Variants in PCDHGA8 observed in about 807,000 individuals in gnomAD.
The protein encoded by PCDHGA8 is protocadherin gamma subfamily A, 8, also known as protocadherin gamma-A8.
In PCDHGA8, 45 loss-of-function variants were observed where a neutral mutation model predicts 59.2. The observed-to-expected ratio is 0.76, with a 90% CI of 0.60 to 0.98. PCDHGA8 has a LOEUF of 0.98. PCDHGA8 is among the 50% of genes least tolerant of loss of function. PCDHGA8 has a pLI of 0.00. For missense variants in PCDHGA8, 1,257 were observed against 1,196.2 expected, an observed-to-expected ratio of 1.05 and a Z score of -0.75; for synonymous variants, 531 against 519.0, an observed-to-expected ratio of 1.02 and a Z score of -0.32.
chr5:141,490,700 C>T lies in PCDHGA8; in HGVS notation c.2425-4107C>T. The T allele has an allele frequency of 6.2e-7, 1 of 1,614,152 alleles. No individual in the cohort carries two copies. Among genetic ancestry groups the T allele is most frequent in the Non-Finnish European group, 8.5e-7 (1 of 1,179,984 alleles). ...TCAGATCCAGACACTGGGGATAATG[C>T]CCGCCTCACCTACTCCATTGTAGGA... On this transcript the variant is annotated intron_variant, in intron 1 of 3. Transcript: ENST00000398604. This position sits in a 1 kb window ranked among gnomAD's most constrained non-coding sequence, Gnocchi z 5.4.
chr5:141,424,956 T>C (rs1435882776), intron 1 of PCDHGA8, among the ~76,000 whole-genome samples: 3 of 152,176 alleles, frequency 2.0e-5, no homozygotes, highest in African/African-American at 7.2e-5. Context: ...TTCTAGGTAT[T>C]TGCCCCAAAT....
At position 141,394,026 on chromosome 5, in the gene PCDHGA8, G is replaced by A. The variant is rs745343207; in HGVS notation, c.1213G>A (p.Val405Met). The A allele has an allele frequency of 6.2e-7, 1 of 1,613,494 alleles. No individual in the cohort carries two copies. The highest frequency in any genetic ancestry group is 1.7e-5 in the Admixed American group (1 of 59,958). ...GTCAATAGGTAATTATTATAGATTA[G>A]TGACAAGGAAATATTTGGACCGAGA... Reference protein sequence around the residue: ...EKSIGNYYRLVTRKYLDRENV... With the variant: ...EKSIGNYYRLMTRKYLDRENV... Residue 405 changes from valine (V) to methionine (M), a missense_variant, in exon 1 of 4, where the codon GTG becomes ATG. Physicochemically the swap from Val to Met is conservative, Grantham distance 21. Coordinates refer to ENST00000398604, the MANE Select transcript of PCDHGA8 (RefSeq NM_032088.2).
intron 1 of PCDHGA8, among the ~76,000 whole-genome samples, chr5:141,445,447 A>C (rs974383838): frequency 6.6e-6 from 1 of 152,222 alleles, no homozygotes; most frequent in Non-Finnish European, 1.5e-5. Flanking sequence ...TGGACTAAGG[A>C]TGCAGCAATG....
chr5:141,417,632 C>T (rs1395400349), intron 1 of PCDHGA8: 3 of 714,288 alleles, frequency 4.2e-6, no homozygotes, highest in Non-Finnish European at 6.5e-6. Context: ...GCGCTGACGC[C>T]GGGGATCCCT....
chr5:141,433,397 A>ATCTATCTATCTG (rs2097600396), intron 1 of PCDHGA8, among the ~76,000 whole-genome samples: 2 of 150,410 alleles, frequency 1.3e-5, no homozygotes, highest in African/African-American at 2.5e-5. Flanking sequence ...CTATCTATCT[A>ATCTATCTATCTG]TCTATCTATT....
chr5:141,419,354 C>G (rs1444462815), intron 1 of PCDHGA8: 1 of 1,613,828 alleles, frequency 6.2e-7, no homozygotes, highest in Admixed American at 1.7e-5. Flanking sequence ...CCTGGAGTCA[C>G]GAACGCTGTC....
Position 141,431,500 on chromosome 5 carries a change from C to T in PCDHGA8, c.2424+36263C>T, listed in dbSNP as rs903027252. On this transcript the variant is annotated intron_variant, in intron 1 of 3. Transcript: ENST00000398604. This position sits in a 1 kb window ranked among gnomAD's most constrained non-coding sequence, Gnocchi z 4.8. ...CACCAGCGTTTGCTCAGCCCGAGTACCGCGCGAGCGTTCCGGAGAATCTGG... is the reference window on the plus strand; with the variant it reads ...CACCAGCGTTTGCTCAGCCCGAGTATCGCGCGAGCGTTCCGGAGAATCTGG... The T allele has an allele frequency of 4.4e-5, 71 of 1,613,894 alleles. No individual in the cohort carries two copies. The highest frequency in any genetic ancestry group is 5.9e-5 in the Non-Finnish European group (70 of 1,180,050).
At chr5:141,410,348 C>T (rs761119683) in intron 1 of PCDHGA8, 3 of 1,614,034 alleles carry the variant, frequency 1.9e-6, no homozygotes, top group East Asian at 2.2e-5. Context: ...CTTGCGCCTG[C>T]GACGCTCTCT....
chr5:141,414,148 G>A, intron 1 of PCDHGA8: 1 of 1,598,900 alleles, frequency 6.3e-7, no homozygotes, highest in Non-Finnish European at 8.5e-7. Flanking sequence ...AGAAATACAA[G>A]CAGAAGATGG....
intron 1 of PCDHGA8, among the ~76,000 whole-genome samples, chr5:141,448,476 G>A (rs1002358317): frequency 1.3e-5 from 2 of 151,976 alleles, no homozygotes; most frequent in African/African-American, 4.8e-5. Flanking sequence ...TTCCACCCTT[G>A]CTTCCTCCTG....
Position 141,393,407 on chromosome 5 carries a change from C to T in PCDHGA8, c.594C>T (p.Arg198=), listed in dbSNP as rs766086453. ...TAAACCCAGAGCTGGTGCTGGAGCG[C>T]GCCCTGGACAGGGAGGAAGAGGCTG... ...GAINPELVLE[R]ALDREEEAAH... The change falls in exon 1 of 4, where the codon CGC becomes CGT. Residue 198 remains arginine (R), a synonymous_variant. Transcript: ENST00000398604. 3.1e-6 allele frequency: 5 copies of T among 1,614,056 alleles called. No individual in the cohort carries two copies. In the South Asian group the frequency reaches 5.5e-5, roughly 18 times the overall value.
chr5:141,456,878 G>A (rs71583646), intron 1 of PCDHGA8, among the ~76,000 whole-genome samples: 21 of 152,162 alleles, frequency 1.4e-4, no homozygotes, highest in African/African-American at 2.4e-4. Flanking sequence ...CAGGAGAATC[G>A]CTTGAACCCG....
rs750036800 is a variant in PCDHGA8, at chr5:141,419,495, G to A, written c.2424+24258G>A. On this transcript the variant is annotated intron_variant, in intron 1 of 3. Coordinates refer to ENST00000398604, the MANE Select transcript of PCDHGA8 (RefSeq NM_032088.2). ...GGGCTCGCCCGCGCTCAGCGCCAAT[G>A]TGAGCCTGCGCGTGTTGGTGGGCGA... The A allele has an allele frequency of 5.0e-6, 8 of 1,612,432 alleles. No individual in the cohort carries two copies. The Admixed American group carries it at 1.3e-4, about 27-fold the overall frequency.
chr5:141,488,656 G>A (rs2099678001), intron 1 of PCDHGA8, among the ~76,000 whole-genome samples: 1 of 152,200 alleles, frequency 6.6e-6, no homozygotes, highest in African/African-American at 2.4e-5. Flanking sequence ...ATGGGGGAGG[G>A]TGGGGGAATA....
chr5:141,403,021 A>G (rs1367554344), intron 1 of PCDHGA8: 2 of 1,613,944 alleles, frequency 1.2e-6, no homozygotes, highest in African/African-American at 1.3e-5. Flanking sequence ...TGGGGATGCT[A>G]TGGGAGGCCA....
rs924491576 is a variant in PCDHGA8, at chr5:141,491,579, C to T, written c.2425-3228C>T. On this transcript the variant is annotated intron_variant, in intron 1 of 3. Coordinates refer to ENST00000398604, the MANE Select transcript of PCDHGA8 (RefSeq NM_032088.2). This position sits in a 1 kb window ranked among gnomAD's most constrained non-coding sequence, Gnocchi z 6.9. ...CACTGCTACAGGACGTGCTTTTCAC[C>T]GGCCTCGGACGGCAGTGACTTCACT... is the stretch of plus-strand genomic sequence containing the variant. 18 of 1,613,810 alleles carry T rather than the reference C, an allele frequency of 1.1e-5. No homozygotes were observed. Among genetic ancestry groups the T allele is most frequent in the Non-Finnish European group, 1.4e-5 (17 of 1,180,044 alleles).
At chr5:141,414,890 C>T in intron 1 of PCDHGA8, 5 of 1,614,232 alleles carry the variant, frequency 3.1e-6, no homozygotes, top group Non-Finnish European at 4.2e-6. Context: ...CCCGCCCTCC[C>T]CACAGACGGT....
At position 141,477,115 on chromosome 5, in the gene PCDHGA8, A is replaced by T. The variant is rs1218111107; in HGVS notation, c.2425-17692A>T. On this transcript the variant is annotated intron_variant, in intron 1 of 3. Coordinates refer to ENST00000398604, the MANE Select transcript of PCDHGA8 (RefSeq NM_032088.2). The surrounding 1 kb of genome is among the most constrained non-coding windows in gnomAD (Gnocchi z 4.9). Reference sequence around the variant, plus strand: ...AAGACAAGGGCGCCAATCCCGAAGGAGCACATTGCAAAGTGTTGGTGGAGG... The same window carrying T: ...AAGACAAGGGCGCCAATCCCGAAGGTGCACATTGCAAAGTGTTGGTGGAGG... The T allele has an allele frequency of 6.2e-7, 1 of 1,614,230 alleles. No individual in the cohort carries two copies. Among genetic ancestry groups the T allele is most frequent in the Non-Finnish European group, 8.5e-7 (1 of 1,180,038 alleles).
chr5:141,405,400 T>C (rs986034251), intron 1 of PCDHGA8: 3 of 1,590,732 alleles, frequency 1.9e-6, no homozygotes, highest in Non-Finnish European at 2.6e-6. Flanking sequence ...TTTTCTTTCT[T>C]TCTTTTCTTT....
Sources: gnomAD v4.1 joint callset for allele counts (sites outside exome capture counted in the v4.1 genomes callset) on GRCh38, gnomAD v4.1.1 for gene constraint, Gnocchi (gnomAD v3.1) non-coding constraint, MANE v1.5 for transcripts, NCBI Gene and HGNC (gene_info 2026-07-23, HGNC 2026-07-21) for gene names.